The following CFD variants were observed in gnomAD, a reference collection of about 807,000 sequenced individuals.
CFD encodes the protein C3 convertase activator.
A neutral mutation model predicts 21.1 loss-of-function variants in CFD; 24 were observed. The ratio of observed to expected loss-of-function variants is 1.14; its 90% confidence interval spans 0.82 to 1.60. CFD has a LOEUF of 1.60. CFD is among the 40% of genes most tolerant of loss of function. The pLI is 0.00. For synonymous variants in CFD, 242 were observed against 175.9 expected (o/e 1.38, Z -2.97); for missense variants, 535 against 383.3 (o/e 1.40, Z -3.31).
At chr19:863,015 A>C in intron 4 of CFD, 77 bp from the exon 5 acceptor site, 1 of 1,373,382 alleles carries the variant, frequency 7.3e-7, no homozygotes. Context: ...CGGGAGCGGC[A>C]GCCAGGTGAG....
At chr19:860,384 A>T (rs998152773) in intron 1 of CFD, among the ~76,000 whole-genome samples, 3 of 149,626 alleles carry the variant, frequency 2.0e-5, no homozygotes, top group Admixed American at 2.0e-4. Context: ...ACGGGGTTTC[A>T]CCATATTGGC....
intron 1 of CFD, 121 bp from the exon 2 acceptor site, chr19:860,496 G>A: frequency 1.3e-6 from 1 of 779,402 alleles, no homozygotes; most frequent in Non-Finnish European, 1.6e-6. Context: ...GTGAGCCACC[G>A]CGCCCAGAGA....
At chr19:863,005 C>T (rs898165365) in intron 4 of CFD, 87 bp from the exon 5 acceptor site, 34 of 1,281,502 alleles carry the variant, frequency 2.7e-5, no homozygotes, top group African/African-American at 2.2e-4. Context: ...CATTGTGGGG[C>T]GGGAGCGGCA....
Position 861,943 on chromosome 19 carries a change from G to T in CFD, c.602G>T (p.Arg201Leu), listed in dbSNP as rs201046554. ...ERLMCAESNR[R>L]DSCKGDSGGP... ...TTGATGTGCGCGGAGAGCAATCGCC[G>T]GGACAGCTGCAAGGTGAGCCTTCAG... The change falls in exon 4 of 5, where the codon CGG becomes CTG. Residue 201 changes from arginine to leucine, a missense_variant. Coordinates refer to ENST00000327726, the MANE Select transcript of CFD (RefSeq NM_001928.4). 2.6e-6 allele frequency: 4 copies of T among 1,550,934 alleles called. No homozygotes were observed. The highest frequency in any genetic ancestry group is 1.8e-4 in the Middle Eastern group (1 of 5,678).
At chr19:862,871 G>A (rs1421072295) in intron 4 of CFD, among the ~76,000 whole-genome samples, 2 of 151,740 alleles carry the variant, frequency 1.3e-5, no homozygotes, top group African/African-American at 2.4e-5. Context: ...AGGCCAGAGG[G>A]GGTGTGGCCA....
chr19:861,937 A>G lies in CFD; in HGVS notation c.596A>G (p.Asn199Ser), dbSNP rs2035802408. Reference sequence around the variant, plus strand: ...GAGCGCTTGATGTGCGCGGAGAGCAATCGCCGGGACAGCTGCAAGGTGAGC... The same window carrying G: ...GAGCGCTTGATGTGCGCGGAGAGCAGTCGCCGGGACAGCTGCAAGGTGAGC... ...ITERLMCAES[N>S]RRDSCKGDSG... Residue 199 changes from asparagine to serine, a missense_variant, in exon 4 of 5, where the codon AAT becomes AGT. Coordinates refer to ENST00000327726, the MANE Select transcript of CFD (RefSeq NM_001928.4). 1 of 1,555,710 alleles carries G rather than the reference A, an allele frequency of 6.4e-7. No individual in the cohort carries two copies. The highest frequency in any genetic ancestry group is 8.6e-7 in the Non-Finnish European group (1 of 1,157,984).
chr19:863,179 C>G lies in CFD; in HGVS notation c.703C>G (p.Pro235Ala), dbSNP rs762346692. 2.8e-5 allele frequency: 42 copies of G among 1,478,790 alleles called. No individual in the cohort carries two copies. The highest frequency in any genetic ancestry group is 2.6e-5 in the Non-Finnish European group (29 of 1,119,316). 91.6% of individuals were successfully genotyped at this position (1,478,790 alleles called of 1,614,324 possible). A position where few individuals can be genotyped will look rare whatever the true frequency, so the allele number is the denominator to read the frequency against. ...GCGCGTTTGCGGCAACCGCAAGAAGCCCGGGATCTACACCCGCGTGGCGAG... is the reference window on the plus strand; with the variant it reads ...GCGCGTTTGCGGCAACCGCAAGAAGGCCGGGATCTACACCCGCGTGGCGAG... ...GSRVCGNRKK[P>A]GIYTRVASYA... Residue 235 changes from proline (P) to alanine (A), a missense_variant, in exon 5 of 5, where the codon CCC becomes GCC. Transcript: ENST00000327726.
chr19:862,192 G>C (rs1426151737), intron 4 of CFD, among the ~76,000 whole-genome samples: 1 of 147,366 alleles, frequency 6.8e-6, no homozygotes, highest in Non-Finnish European at 1.5e-5. Context: ...GAGAAGGTAC[G>C]GGGCCTCTGG....
chr19:860,814 T>TG, intron 2 of CFD, 41 bp downstream of exon 2: 2 of 1,555,904 alleles, frequency 1.3e-6, no homozygotes, highest in Non-Finnish European at 1.7e-6. Context: ...CCGGGTGCGG[T>TG]GGGGGGAGTC....
intron 4 of CFD, among the ~76,000 whole-genome samples, 184 bp downstream of exon 4, chr19:862,140 G>A (rs981937784): frequency 1.3e-5 from 2 of 148,526 alleles, no homozygotes; most frequent in Admixed American, 1.3e-4. Flanking sequence ...GTATGAGGGG[G>A]CGGGGCATGT....
rs780098955 is a variant in CFD at position 863,108 on chromosome 19, C to T, written c.632C>T (p.Pro211Leu). The T allele has an allele frequency of 9.2e-6, 14 of 1,526,194 alleles. No homozygotes were observed. The highest frequency in any genetic ancestry group is 6.1e-6 in the Non-Finnish European group (7 of 1,139,150). 94.5% of individuals were successfully genotyped at this position (1,526,194 alleles called of 1,614,324 possible). Residue 211 changes from proline to leucine, a missense_variant, in exon 5 of 5, where the codon CCG becomes CTG. Pro to Leu is a moderately conservative substitution (Grantham distance 98). Coordinates refer to ENST00000327726, the MANE Select transcript of CFD (RefSeq NM_001928.4). The stretch of plus-strand genomic sequence containing the variant: ...TTCCGGCAGGGTGACTCCGGGGGCC[C>T]GCTGGTGTGCGGGGGCGTGCTCGAG... ...RDSCKGDSGGPLVCGGVLEGV... is the reference protein window; with the variant it reads ...RDSCKGDSGGLLVCGGVLEGV...
intron 4 of CFD, among the ~76,000 whole-genome samples, chr19:862,368 G>A (rs116451501): frequency 0.017 from 2,455 of 141,768 alleles, 77 homozygotes; most frequent in African/African-American, 0.062. Flanking sequence ...GAGGGTTGGG[G>A]CATGAGGGGC....
At position 863,413 on chromosome 19, in the gene CFD, C is replaced by T. The variant is rs1251202455; in HGVS notation, c.*175C>T. 10 of 707,620 alleles carry T rather than the reference C, an allele frequency of 1.4e-5. No homozygotes were observed. The highest frequency in any genetic ancestry group is 2.4e-4 in the Middle Eastern group (1 of 4,206). The allele number at this position is 707,620 out of a possible 1,614,324, so 43.8% of individuals were successfully genotyped here. A position where few individuals can be genotyped will look rare whatever the true frequency, so the allele number is the denominator to read the frequency against. On this transcript the variant is annotated 3_prime_UTR_variant, in exon 5 of 5. Transcript: ENST00000327726. ...CGAGATCAGCATGGGCCACGTAGCG[C>T]GACTCCATCTCTACAAATAAATAAA...
chr19:861,054 C>A, intron 3 of CFD, 49 bp downstream of exon 3: 1 of 1,573,044 alleles, frequency 6.4e-7, no homozygotes, highest in Middle Eastern at 1.7e-4. Context: ...GATCCCCGGC[C>A]CACCCTCACT....
In CFD at chr19:861,779, T is replaced by C. The variant is rs905985786; in HGVS notation, c.438T>C (p.Thr146=). The C allele has an allele frequency of 1.8e-5, 29 of 1,605,576 alleles. No homozygotes were observed. In the East Asian group the frequency reaches 5.1e-4, roughly 28 times the overall value. The part of the protein sequence containing the change: ...QRVDRDVAPG[T]LCDVAGWGIV... ...TGGACCGCGACGTGGCACCGGGAAC[T>C]CTCTGCGACGTGGCCGGCTGGGGCA... Residue 146 remains threonine (T), a synonymous_variant, in exon 4 of 5, where the codon ACT becomes ACC. Transcript: ENST00000327726.
At chr19:862,818 G>A (rs1191873716) in intron 4 of CFD, among the ~76,000 whole-genome samples, 1 of 151,678 alleles carries the variant, frequency 6.6e-6, no homozygotes, top group Non-Finnish European at 1.5e-5. Flanking sequence ...TACTGGAAAG[G>A]GCTTGGAGCG....
rs2035776234 is a variant in CFD, at chr19:860,719, G to C, written c.158G>C (p.Gly53Ala). 6.4e-7 allele frequency: 1 copy of C among 1,563,458 alleles called. No individual in the cohort carries two copies. The highest frequency in any genetic ancestry group is 2.4e-5 in the East Asian group (1 of 42,538). ...VQLNGAHLCG[G>A]VLVAEQWVLS... Reference sequence around the variant, plus strand: ...CTGAACGGCGCGCACCTGTGCGGCGGCGTCCTGGTGGCGGAGCAGTGGGTG... The same window carrying C: ...CTGAACGGCGCGCACCTGTGCGGCGCCGTCCTGGTGGCGGAGCAGTGGGTG... Residue 53 changes from glycine (G) to alanine (A), a missense_variant, in exon 2 of 5, where the codon GGC becomes GCC. By Grantham distance (60) the Gly-to-Ala change is moderately conservative. Transcript: ENST00000327726.
In CFD at chr19:859,758, G is replaced by A; in HGVS notation, c.55+14G>A. ...CGGCCGCCTGCGGTGAGGAGGCCTG[G>A]GCCTGGGGTGAGGGACAGGGCTGTG... On this transcript the variant is annotated intron_variant, in intron 1 of 4. Transcript: ENST00000327726. The A allele has an allele frequency of 6.4e-7, 1 of 1,558,900 alleles. No individual in the cohort carries two copies. The highest frequency in any genetic ancestry group is 8.7e-7 in the Non-Finnish European group (1 of 1,149,614).
intron 4 of CFD, among the ~76,000 whole-genome samples, chr19:862,636 CGAGG>C (rs2035818705): frequency 6.7e-6 from 1 of 150,362 alleles, no homozygotes; most frequent in Non-Finnish European, 1.5e-5. Context: ...TAAGACCAGC[CGAGG>C]CTTGCATGGT....
Sources: gnomAD v4.1 joint callset for allele counts (sites outside exome capture counted in the v4.1 genomes callset) on GRCh38, gnomAD v4.1.1 for gene constraint, MANE v1.5 for transcripts, NCBI Gene and HGNC (gene_info 2026-07-23, HGNC 2026-07-21) for gene names.